The following TGFBR3 variants were observed in gnomAD, a reference collection of about 807,000 sequenced individuals.
TGFBR3 encodes transforming growth factor beta receptor 3.
TGFBR3 carries 46 observed loss-of-function variants against 87.9 expected under a neutral mutation model. The ratio of observed to expected loss-of-function variants is 0.52; its 90% CI spans 0.41 to 0.67. The LOEUF is 0.67. Ranked by LOEUF, TGFBR3 falls within the 30% of genes least tolerant of loss-of-function variation. TGFBR3 has a pLI of 0.00. For synonymous variants in TGFBR3, 381 were observed against 391.6 expected (o/e 0.97, Z 0.32); for missense variants, 866 against 1,041.9 (o/e 0.83, Z 2.32).
At chr1:91,822,649 G>A (rs1676491566) in intron 2 of TGFBR3, among the ~76,000 whole-genome samples, 2 of 152,164 alleles carry the variant, frequency 1.3e-5, no homozygotes, top group Admixed American at 6.5e-5. Flanking sequence ...AATAAGGGCC[G>A]GGTATGGTGG....
chr1:91,758,130 AT>A (rs1195894485), intron 4 of TGFBR3, among the ~76,000 whole-genome samples: 3 of 152,212 alleles, frequency 2.0e-5, no homozygotes, highest in Non-Finnish European at 4.4e-5. Flanking sequence ...TGTTTTTTTA[AT>A]AAAATACAAA....
At chr1:91,852,785 G>T (rs1207870165) in intron 2 of TGFBR3, among the ~76,000 whole-genome samples, 3 of 152,186 alleles carry the variant, frequency 2.0e-5, no homozygotes, top group East Asian at 3.9e-4. Flanking sequence ...GCACTCTGGT[G>T]ATAACTGGTA....
intron 2 of TGFBR3, among the ~76,000 whole-genome samples, chr1:91,847,449 C>A (rs935480512): frequency 1.3e-5 from 2 of 151,536 alleles, no homozygotes; most frequent in South Asian, 4.2e-4. Flanking sequence ...ACTAAAAATA[C>A]AAAATTAGCC....
chr1:91,713,268 T>C (rs560512429), intron 12 of TGFBR3, among the ~76,000 whole-genome samples: 71 of 152,324 alleles, frequency 4.7e-4, no homozygotes, highest in Admixed American at 5.9e-4. Flanking sequence ...TACTTCCCCC[T>C]TTGAAAACAC....
chr1:91,878,559 T>C (rs941341995), intron 1 of TGFBR3, among the ~76,000 whole-genome samples: 1 of 152,230 alleles, frequency 6.6e-6, no homozygotes, highest in African/African-American at 2.4e-5. Flanking sequence ...ACCCTCCACC[T>C]GGCCCATTTG....
intron 1 of TGFBR3, among the ~76,000 whole-genome samples, chr1:91,880,584 C>T (rs1035654168): frequency 6.6e-6 from 1 of 151,594 alleles, no homozygotes. Context: ...GGTGACAGAG[C>T]GAGACTCCGT....
At chr1:91,860,258 T>G (rs1403690537) in intron 2 of TGFBR3, among the ~76,000 whole-genome samples, 1 of 152,226 alleles carries the variant, frequency 6.6e-6, no homozygotes, top group Non-Finnish European at 1.5e-5. Flanking sequence ...TCCTTATTCA[T>G]TTTTATATTC....
intron 1 of TGFBR3, 164 bp from the exon 2 acceptor site, chr1:91,861,808 T>C (rs900360186): frequency 9.5e-6 from 4 of 422,228 alleles, no homozygotes; most frequent in Non-Finnish European, 1.7e-5. Flanking sequence ...GACTATCTAA[T>C]AAAGATTTTT....
At chr1:91,803,585 T>A (rs1675724763) in intron 2 of TGFBR3, among the ~76,000 whole-genome samples, 2 of 152,162 alleles carry the variant, frequency 1.3e-5, no homozygotes, top group South Asian at 4.1e-4. Context: ...TTTTTTTATA[T>A]AAGCCAATGT....
chr1:91,712,519 T>C lies in TGFBR3; in HGVS notation c.1890A>G (p.Gln630=). 6.2e-7 allele frequency: 1 copy of C among 1,614,204 alleles called. No individual in the cohort carries two copies. The highest frequency in any genetic ancestry group is 8.5e-7 in the Non-Finnish European group (1 of 1,180,036). The change falls in exon 13 of 17, where the codon CAA becomes CAG. Residue 630 remains glutamine, a synonymous_variant. Transcript: ENST00000212355. ...ACGTTTGGATGGCAAATCCCAGTTC[T>C]TGTTCAGCCTTAGTAACAGATACCT... ...YVEVSVTKAE[Q]ELGFAIQTCF...
At chr1:91,685,538 G>A (rs530341151) in intron 16 of TGFBR3, among the ~76,000 whole-genome samples, 2 of 152,018 alleles carry the variant, frequency 1.3e-5, no homozygotes, top group Non-Finnish European at 2.9e-5. Flanking sequence ...TAGCCAGGAT[G>A]GTATCGATCT....
upstream of TGFBR3, among the ~76,000 whole-genome samples, chr1:91,889,071 C>T (rs936514329): frequency 2.6e-5 from 4 of 151,880 alleles, no homozygotes; most frequent in Admixed American, 2.0e-4. Context: ...TTAGTAGAGA[C>T]GGGGTTTCAT....
In TGFBR3 at chr1:91,712,288, C is replaced by G. The variant is rs1389266737; in HGVS notation, c.2121G>C (p.Leu707=). The change falls in exon 13 of 17, where the codon CTG becomes CTC. Residue 707 remains leucine (L), a synonymous_variant. Transcript: ENST00000212355. ...GCTTCTCCATCTTCGTACACAGCGTCAGCTCACACTGTAGAAAGAGCAGTG... is the reference window on the plus strand; with the variant it reads ...GCTTCTCCATCTTCGTACACAGCGTGAGCTCACACTGTAGAAAGAGCAGTG... ...NTSLLFLQCE[L]TLCTKMEKHP... is the part of the protein sequence containing the mutation. The G allele has an allele frequency of 2.5e-6, 4 of 1,614,082 alleles. No homozygotes were observed. The highest frequency in any genetic ancestry group is 1.7e-5 in the Admixed American group (1 of 60,004).
intron 2 of TGFBR3, among the ~76,000 whole-genome samples, chr1:91,815,684 T>C (rs1159262191): frequency 6.6e-6 from 1 of 152,170 alleles, no homozygotes; most frequent in Non-Finnish European, 1.5e-5. Flanking sequence ...TAATACTACA[T>C]ACCTTGCCAA....
chr1:91,737,159 G>C (rs755115287), intron 4 of TGFBR3, among the ~76,000 whole-genome samples: 4 of 152,088 alleles, frequency 2.6e-5, no homozygotes, highest in Non-Finnish European at 1.5e-5. Flanking sequence ...TGAGGAATTT[G>C]GAACTGGAGT....
At chr1:91,889,289 T>C (rs1444153574), upstream of TGFBR3, among the ~76,000 whole-genome samples, 1 of 152,066 alleles carries the variant, frequency 6.6e-6, no homozygotes, top group African/African-American at 2.4e-5. Flanking sequence ...ACTGAGATCT[T>C]GTCCACGATT....
intron 2 of TGFBR3, among the ~76,000 whole-genome samples, chr1:91,823,849 G>C (rs1022363645): frequency 6.6e-6 from 1 of 152,256 alleles, no homozygotes; most frequent in Admixed American, 6.5e-5. Context: ...TGTGCAATTT[G>C]CTGGGTGCAG....
rs1021526960 is a variant in TGFBR3 at position 91,825,491 on chromosome 1, A to C, written c.62-28020T>G. 3.5e-4 allele frequency among the ~76,000 whole-genome samples: 54 copies of C among 152,242 alleles called. 1 individual carries two copies. Among genetic ancestry groups the C allele is most frequent in the African/African-American group, 1.2e-3 (51 of 41,468 alleles). On this transcript the variant is annotated intron_variant, in intron 2 of 16. Transcript: ENST00000212355. The stretch of plus-strand genomic sequence containing the variant: ...TTACTAGGGCCTGGGGAAAGGGAAG[A>C]ATAGGGAGAGATTGCCAATGGATAA...
chr1:91,837,632 T>A (rs1348654910), intron 2 of TGFBR3, among the ~76,000 whole-genome samples: 1 of 152,208 alleles, frequency 6.6e-6, no homozygotes, highest in Non-Finnish European at 1.5e-5. Context: ...TTTAAATGAT[T>A]TATGTAAATA....
Sources: gnomAD v4.1 joint callset for allele counts (sites outside exome capture counted in the v4.1 genomes callset) on GRCh38, gnomAD v4.1.1 for gene constraint, MANE v1.5 for transcripts, NCBI Gene and HGNC (gene_info 2026-07-23, HGNC 2026-07-21) for gene names.